The following UHRF2 variants were observed in gnomAD, a reference collection of about 807,000 sequenced individuals.
UHRF2 encodes the protein E3 ubiquitin-protein ligase UHRF2.
Under a neutral mutation model 96.8 loss-of-function variants are expected in UHRF2, and 23 were observed. The observed-to-expected ratio is 0.24, with a 90% CI of 0.17 to 0.34. The LOEUF (loss-of-function observed/expected upper bound fraction) is 0.34, where lower values mean the gene tolerates loss of function less well. Among genes scored for constraint, UHRF2 ranks in the 10% least tolerant of loss-of-function variants. UHRF2 has a pLI of 1.00. For synonymous variants in UHRF2, 385 were observed against 332.6 expected (o/e 1.16, Z -1.72); for missense variants, 685 against 981.5 (o/e 0.70, Z 4.04).
intron 3 of UHRF2, among the ~76,000 whole-genome samples, chr9:6,448,954 A>T (rs758896534): frequency 6.6e-6 from 1 of 152,228 alleles, no homozygotes; most frequent in African/African-American, 2.4e-5. Flanking sequence ...ACATCGCAGA[A>T]CAAGCAGTAT....
intron 3 of UHRF2, among the ~76,000 whole-genome samples, chr9:6,437,629 T>G (rs1325558967): frequency 1.3e-5 from 2 of 152,116 alleles, no homozygotes; most frequent in African/African-American, 4.8e-5. Context: ...TTTATTTATT[T>G]ATTTTTGAGA....
intron 3 of UHRF2, chr9:6,449,657 A>G (rs1345714394): frequency 6.6e-6 from 1 of 152,286 alleles, no homozygotes; most frequent in Non-Finnish European, 1.5e-5. Context: ...CTTAGATTTC[A>G]GGAACATTCC....
At chr9:6,447,567 TA>T (rs1821593962) in intron 3 of UHRF2, among the ~76,000 whole-genome samples, 1 of 152,128 alleles carries the variant, frequency 6.6e-6, no homozygotes. Flanking sequence ...GTAGAAAGCA[TA>T]TAGTGAGTAA....
chr9:6,477,115 C>T (rs1473122197), intron 5 of UHRF2, among the ~76,000 whole-genome samples: 3 of 152,022 alleles, frequency 2.0e-5, no homozygotes, highest in African/African-American at 7.2e-5. Flanking sequence ...CGCCTGTAAT[C>T]CCAGCTATTC....
chr9:6,413,517 T>C lies in UHRF2; in HGVS notation c.27T>C (p.Asp9=). 2 of 1,583,764 alleles carry C rather than the reference T, an allele frequency of 1.3e-6. No homozygotes were observed. Among genetic ancestry groups the C allele is most frequent in the Non-Finnish European group, 1.7e-6 (2 of 1,166,204 alleles). Residue 9 remains aspartate, a synonymous_variant, in exon 1 of 16, where the codon GAT becomes GAC. Transcript: ENST00000276893. MWIQVRTI[D]GSKTCTIEDV... is the part of the protein sequence containing the mutation. The stretch of plus-strand genomic sequence containing the variant: ...TGTGGATACAGGTTCGCACCATTGA[T>C]GGCTCCAAGACGTGCACCATTGAGG...
At chr9:6,475,760 T>C (rs567488106) in intron 5 of UHRF2, among the ~76,000 whole-genome samples, 68 of 152,304 alleles carry the variant, frequency 4.5e-4, no homozygotes, top group African/African-American at 1.4e-3. Flanking sequence ...GGATATATAA[T>C]AGTTGTAGAT....
rs566304965 is a variant in UHRF2, at chr9:6,456,225, A to G, written c.645-4348A>G. Among the ~76,000 whole-genome samples the G allele has an allele frequency of 9.2e-5, 14 of 152,290 alleles. No homozygotes were observed. The South Asian group carries it at 2.7e-3, about 29-fold the overall frequency. ...TTTTCCTGACTTTTTAATGATCGCCATTCTAACTGGCGTGATATGGTATCT... is the reference window on the plus strand; with the variant it reads ...TTTTCCTGACTTTTTAATGATCGCCGTTCTAACTGGCGTGATATGGTATCT... On this transcript the variant is annotated intron_variant, in intron 3 of 15. Coordinates refer to ENST00000276893, the MANE Select transcript of UHRF2 (RefSeq NM_152896.3).
chr9:6,484,205 A>G (rs1824106407), intron 8 of UHRF2, among the ~76,000 whole-genome samples: 1 of 151,762 alleles, frequency 6.6e-6, no homozygotes, highest in Non-Finnish European at 1.5e-5. Context: ...CTAAAGATGT[A>G]AAGATGTATA....
chr9:6,434,083 A>G lies in UHRF2; in HGVS notation c.554A>G (p.Asn185Ser). The stretch of plus-strand genomic sequence containing the variant: ...AATATAAAGCATAAATCCAAAGAGA[A>G]CACAAATAAATTGGACAGTGTACCC... ...NGNIKHKSKE[N>S]TNKLDSVPST... Residue 185 changes from asparagine to serine, a missense_variant, in exon 3 of 16, where the codon AAC (asparagine) becomes AGC (serine). Around this residue, in one of 6 missense-constraint regions of UHRF2, gnomAD observed 391 missense variants for 437.0 expected, o/e 0.89. Transcript: ENST00000276893. 1 of 1,614,146 alleles carries G rather than the reference A, an allele frequency of 6.2e-7. No individual in the cohort carries two copies. Among genetic ancestry groups the G allele is most frequent in the Non-Finnish European group, 8.5e-7 (1 of 1,180,014 alleles).
At chr9:6,423,266 A>T (rs561281972) in intron 2 of UHRF2, among the ~76,000 whole-genome samples, 1 of 152,222 alleles carries the variant, frequency 6.6e-6, no homozygotes, top group South Asian at 2.1e-4. Context: ...TGAGGAGTAG[A>T]TCATTATAAT....
chr9:6,486,886 T>C lies in UHRF2; in HGVS notation c.1458T>C (p.Ala486=). ...TTCATGGTCGAAGTAATGATGGGGC[T>C]TATTCTCTTGTACTGGCTGGTGGAT... ...GGIHGRSNDG[A]YSLVLAGGFA... The change falls in exon 9 of 16, where the codon GCT becomes GCC. Residue 486 remains alanine, a synonymous_variant. Coordinates refer to ENST00000276893, the MANE Select transcript of UHRF2 (RefSeq NM_152896.3). The C allele has an allele frequency of 6.2e-7, 1 of 1,614,166 alleles. No homozygotes were observed. Among genetic ancestry groups the C allele is most frequent in the Non-Finnish European group, 8.5e-7 (1 of 1,180,014 alleles).
rs1272545414 is a variant in UHRF2, at chr9:6,413,472, T to C, written c.-19T>C. On this transcript the variant is annotated 5_prime_UTR_variant, in exon 1 of 16. Transcript: ENST00000276893. ...CTCAGGGGGAGACAAAGGGGACCGGTTCCTCTCTAGGCGCCAAGATGTGGA... is the reference window on the plus strand; with the variant it reads ...CTCAGGGGGAGACAAAGGGGACCGGCTCCTCTCTAGGCGCCAAGATGTGGA... 1 of 1,513,756 alleles carries C rather than the reference T, an allele frequency of 6.6e-7. No individual in the cohort carries two copies. Among genetic ancestry groups the C allele is most frequent in the Non-Finnish European group, 8.9e-7 (1 of 1,124,336 alleles). 93.8% of individuals were successfully genotyped at this position (1,513,756 alleles called of 1,614,324 possible). A position where few individuals can be genotyped will look rare whatever the true frequency, so the allele number is the denominator to read the frequency against.
At chr9:6,469,163 T>G (rs72693587) in intron 4 of UHRF2, among the ~76,000 whole-genome samples, 6,104 of 152,278 alleles carry the variant, frequency 0.04, 152 homozygotes, top group Middle Eastern at 0.085. Flanking sequence ...ATTCACAAAA[T>G]AATTATATGG....
chr9:6,490,047 A>G (rs775907531), intron 9 of UHRF2, among the ~76,000 whole-genome samples: 6 of 152,194 alleles, frequency 3.9e-5, no homozygotes, highest in Non-Finnish European at 8.8e-5. Context: ...AGTTTATTAC[A>G]GTCAGCTCTT....
intron 4 of UHRF2, among the ~76,000 whole-genome samples, chr9:6,463,785 T>G (rs1202966093): frequency 1.3e-5 from 2 of 152,182 alleles, no homozygotes; most frequent in African/African-American, 4.8e-5. Flanking sequence ...AAAATTTTTT[T>G]TTTTAATGAT....
At chr9:6,431,483 A>G (rs753699024) in intron 2 of UHRF2, among the ~76,000 whole-genome samples, 1 of 152,106 alleles carries the variant, frequency 6.6e-6, no homozygotes, top group Non-Finnish European at 1.5e-5. Flanking sequence ...ATATACCTGT[A>G]GTCCTAGCTG....
intron 8 of UHRF2, 150 bp from the exon 9 acceptor site, chr9:6,486,671 C>T: frequency 1.5e-6 from 1 of 656,266 alleles, no homozygotes; most frequent in South Asian, 2.3e-5. Context: ...TCTTTAGGTA[C>T]CAGGAGATTT....
At chr9:6,446,836 C>T (rs968454629) in intron 3 of UHRF2, among the ~76,000 whole-genome samples, 2 of 151,652 alleles carry the variant, frequency 1.3e-5, no homozygotes, top group African/African-American at 4.8e-5. Context: ...CAGAGTGAGA[C>T]TCTGTCTCAA....
chr9:6,499,912 A>G lies in UHRF2; in HGVS notation c.1986A>G (p.Thr662=), dbSNP rs775963998. ...CAAAGAAGCAGCCCAGTGGAACCAC[A>G]AAAAGGCCAATTTCAGATGGTAGGT... The part of the protein sequence containing the change: ...GQSKKQPSGT[T]KRPISDDDCP... Residue 662 remains threonine (T), a synonymous_variant, in exon 13 of 16, where the codon ACA becomes ACG. Transcript: ENST00000276893. 5.6e-6 allele frequency: 9 copies of G among 1,611,656 alleles called. No homozygotes were observed. In the South Asian group the frequency reaches 9.9e-5, roughly 18 times the overall value.
Sources: gnomAD v4.1 joint callset for allele counts (sites outside exome capture counted in the v4.1 genomes callset) on GRCh38, gnomAD v4.1.1 for gene constraint, gnomAD v4.1.1 regional missense constraint, MANE v1.5 for transcripts, NCBI Gene and HGNC (gene_info 2026-07-23, HGNC 2026-07-21) for gene names.